The following BCL11B variants were observed in gnomAD, a reference collection of about 807,000 sequenced individuals.
BCL11B encodes B-cell lymphoma/leukemia 11B.
Under a neutral mutation model 49.9 loss-of-function variants are expected in BCL11B, and 8 were observed. The ratio of observed to expected loss-of-function variants is 0.16; its 90% CI spans 0.09 to 0.29. The LOEUF is 0.29. Among genes scored for constraint, BCL11B ranks in the 10% least tolerant of loss-of-function variants. BCL11B has a pLI of 1.00. For synonymous variants in BCL11B, 739 were observed against 637.4 expected, an observed-to-expected ratio of 1.16 and a Z score of -2.40; for missense variants, 1,006 against 1,351.0, an observed-to-expected ratio of 0.74 and a Z score of 4.00.
At chr14:99,217,004 A>G (rs1887858362) in intron 3 of BCL11B, among the ~76,000 whole-genome samples, 1 of 152,192 alleles carries the variant, frequency 6.6e-6, no homozygotes, top group African/African-American at 2.4e-5. Context: ...GTACAAATAC[A>G]TATGCACATA....
chr14:99,258,906 G>A (rs1423157870), intron 1 of BCL11B, among the ~76,000 whole-genome samples: 1 of 151,796 alleles, frequency 6.6e-6, no homozygotes, highest in Non-Finnish European at 1.5e-5. Flanking sequence ...TTTTTTTGTG[G>A]GGGAGAGAGT....
At chr14:99,196,149 T>C (rs1887172585) in intron 3 of BCL11B, among the ~76,000 whole-genome samples, 2 of 152,076 alleles carry the variant, frequency 1.3e-5, no homozygotes, top group Non-Finnish European at 2.9e-5. Context: ...TCGAAGGTGC[T>C]TGTTGCATTC....
intron 2 of BCL11B, among the ~76,000 whole-genome samples, chr14:99,249,473 T>C (rs1057123492): frequency 1.3e-5 from 2 of 152,200 alleles, no homozygotes; most frequent in African/African-American, 4.8e-5. Flanking sequence ...TAGGCGCAAC[T>C]GAGCTGGTGA....
chr14:99,187,642 G>A (rs1886892690), intron 3 of BCL11B, among the ~76,000 whole-genome samples: 1 of 145,138 alleles, frequency 6.9e-6, no homozygotes, highest in Non-Finnish European at 1.5e-5. Context: ...AAATAAAGAG[G>A]GAGTTAGGAG....
chr14:99,271,065 C>T (rs2139985651), intron 1 of BCL11B, 96 bp downstream of exon 1: 1 of 1,321,020 alleles, frequency 7.6e-7, no homozygotes, highest in East Asian at 3.1e-5. Flanking sequence ...GGCCCCGGCG[C>T]CTGGCCAGGC....
chr14:99,209,368 G>A (rs537852491), intron 3 of BCL11B, among the ~76,000 whole-genome samples: 24 of 152,130 alleles, frequency 1.6e-4, no homozygotes, highest in African/African-American at 3.4e-4. Flanking sequence ...GGACTCCTGC[G>A]CGACCAGAGA....
At chr14:99,271,062 G>A in intron 1 of BCL11B, 99 bp downstream of exon 1, 1 of 1,290,094 alleles carries the variant, frequency 7.8e-7, no homozygotes, top group Admixed American at 3.1e-5. Flanking sequence ...GGCGGCCCCG[G>A]CGCCTGGCCA....
chr14:99,267,645 T>TCTTA (rs1225256572), intron 1 of BCL11B, among the ~76,000 whole-genome samples: 1 of 151,534 alleles, frequency 6.6e-6, no homozygotes, highest in Non-Finnish European at 1.5e-5. Flanking sequence ...ACTGGAGATA[T>TCTTA]ACTCTACCCT....
At position 99,169,396 on chromosome 14, in the gene BCL11B, T is replaced by C. The variant is rs868842993; in HGVS notation, c.*4755A>G. 2.6e-5 allele frequency: 5 copies of C among 194,848 alleles called. No homozygotes were observed. Among genetic ancestry groups the C allele is most frequent in the Non-Finnish European group, 4.3e-5 (4 of 93,468 alleles). The allele number at this position is 194,848 out of a possible 1,614,324, so 12.1% of individuals were successfully genotyped here. On this transcript the variant is annotated 3_prime_UTR_variant, in exon 4 of 4. Transcript: ENST00000357195. ...TGGCAGACACATGCTGAACTCAACA[T>C]TGTGACATTAAGGAAAAAAAGAGGC... is the stretch of plus-strand genomic sequence containing the variant.
intron 3 of BCL11B, among the ~76,000 whole-genome samples, chr14:99,179,233 G>A (rs1390019016): frequency 1.3e-5 from 2 of 152,132 alleles, no homozygotes; most frequent in Non-Finnish European, 2.9e-5. Flanking sequence ...CAGCACTTTG[G>A]GAGGCCGAAG....
intron 3 of BCL11B, among the ~76,000 whole-genome samples, chr14:99,216,423 G>C (rs1887836175): frequency 1.3e-5 from 2 of 152,194 alleles, no homozygotes; most frequent in African/African-American, 2.4e-5. Flanking sequence ...AGAGACATCC[G>C]AGTCGGGATT....
intron 3 of BCL11B, among the ~76,000 whole-genome samples, chr14:99,204,430 C>T (rs1887476032): frequency 1.3e-5 from 2 of 152,206 alleles, no homozygotes; most frequent in Admixed American, 6.5e-5. Flanking sequence ...AAGGCATTTT[C>T]ACCACCCAAC....
At chr14:99,237,236 C>CTTTTTTTTTT (rs56991081) in intron 2 of BCL11B, among the ~76,000 whole-genome samples, 17 of 132,766 alleles carry the variant, frequency 1.3e-4, no homozygotes, top group Admixed American at 1.5e-4. Context: ...CTTTTTTTTT[C>CTTTTTTTTTT]TTTTTTTTTT....
chr14:99,212,415 C>T (rs1887714095), intron 3 of BCL11B, among the ~76,000 whole-genome samples: 1 of 152,162 alleles, frequency 6.6e-6, no homozygotes, highest in South Asian at 2.1e-4. Context: ...GGATCTCTGG[C>T]CACATTGGGT....
chr14:99,171,919 C>A lies in BCL11B; in HGVS notation c.*2232G>T, dbSNP rs1281906563. The A allele has an allele frequency of 1.5e-5, 3 of 200,660 alleles. No homozygotes were observed. The highest frequency in any genetic ancestry group is 3.1e-5 in the Non-Finnish European group (3 of 97,450). 12.4% of individuals were successfully genotyped at this position (200,660 alleles called of 1,614,324 possible). On this transcript the variant is annotated 3_prime_UTR_variant, in exon 4 of 4. Coordinates refer to ENST00000357195, the MANE Select transcript of BCL11B (RefSeq NM_138576.4). Reference sequence around the variant, plus strand: ...ATTCTCGATTATTACAAATACTGGTCCACTTTTACAGTAATCAAGAAATTT... The same window carrying A: ...ATTCTCGATTATTACAAATACTGGTACACTTTTACAGTAATCAAGAAATTT...
chr14:99,210,470 A>G (rs2664292), intron 3 of BCL11B, among the ~76,000 whole-genome samples: 95,069 of 151,770 alleles, frequency 0.63, 30,451 homozygotes, highest in Admixed American at 0.7. Context: ...TGTTTACTGA[A>G]AAGGTTTTCT....
At position 99,244,292 on chromosome 14, in the gene BCL11B, A is replaced by ACCC. The variant is rs200715986; in HGVS notation, c.428-12738_428-12736dup. 2.0e-5 allele frequency among the ~76,000 whole-genome samples: 3 copies of ACCC among 147,928 alleles called. No homozygotes were observed. The East Asian group carries it at 6.0e-4, about 30-fold the overall frequency. On this transcript the variant is annotated intron_variant, in intron 2 of 3. Coordinates refer to ENST00000357195, the MANE Select transcript of BCL11B (RefSeq NM_138576.4). ...TCTTTCAAGCAAAACATGAACAATT[A>ACCC]CCCCCCCCTCACACACACACACACC...
intron 3 of BCL11B, among the ~76,000 whole-genome samples, chr14:99,182,667 A>G (rs1886741542): frequency 6.6e-6 from 1 of 152,176 alleles, no homozygotes; most frequent in Admixed American, 6.5e-5. Context: ...ACTATGACCA[A>G]TAAGACATGG....
intron 3 of BCL11B, among the ~76,000 whole-genome samples, chr14:99,198,460 CATT>C (rs1887242890): frequency 6.6e-6 from 1 of 152,142 alleles, no homozygotes; most frequent in Non-Finnish European, 1.5e-5. Flanking sequence ...GCCCTGACAT[CATT>C]ATTTTCAATT....
Sources: gnomAD v4.1 joint callset for allele counts (sites outside exome capture counted in the v4.1 genomes callset) on GRCh38, gnomAD v4.1.1 for gene constraint, MANE v1.5 for transcripts, NCBI Gene and HGNC (gene_info 2026-07-23, HGNC 2026-07-21) for gene names.